Variants in BRWD1 observed in about 807,000 individuals in gnomAD.
BRWD1 encodes the protein bromodomain and WD repeat domain containing 1, also known as bromodomain and WD repeat-containing protein 1.
A neutral mutation model predicts 251.2 loss-of-function variants in BRWD1; 82 were observed. That is an observed-to-expected ratio of 0.33 (90% CI 0.27 to 0.39). The LOEUF (loss-of-function observed/expected upper bound fraction) is 0.39, where lower values mean the gene tolerates loss of function less well. Among genes scored for constraint, BRWD1 ranks in the 10% least tolerant of loss-of-function variants. The probability of loss-of-function intolerance (pLI) is 1.00; values close to 1 mark genes in which losing one functional copy is unlikely to be tolerated. For missense variants in BRWD1, 2,233 were observed against 2,711.6 expected, an observed-to-expected ratio of 0.82 and a Z score of 3.92; for synonymous variants, 918 against 902.8, an observed-to-expected ratio of 1.02 and a Z score of -0.30.
intron 8 of BRWD1, among the ~76,000 whole-genome samples, chr21:39,282,378 TG>T (rs916083749): frequency 1.1e-3 from 170 of 152,266 alleles, no homozygotes; most frequent in African/African-American, 4.0e-3. Flanking sequence ...TGAAAGTGAT[TG>T]TTTATATCTA....
chr21:39,263,063 C>A (rs1329893395), intron 17 of BRWD1, among the ~76,000 whole-genome samples: 1 of 152,128 alleles, frequency 6.6e-6, no homozygotes, highest in East Asian at 1.9e-4. Context: ...CAAGATCGCA[C>A]CACTGCACTC....
chr21:39,215,378 G>T lies in BRWD1; in HGVS notation c.3660-16C>A. 1 of 1,608,056 alleles carries T rather than the reference G, an allele frequency of 6.2e-7. No individual in the cohort carries two copies. The highest frequency in any genetic ancestry group is 1.1e-5 in the South Asian group (1 of 90,438). The stretch of plus-strand genomic sequence containing the variant: ...AGACAGCCTCCTTCAAAATAAAGTA[G>T]ACAATTTAGGGCTTAGAAAATGAGA... On this transcript the variant is annotated splice_polypyrimidine_tract_variant and intron_variant, in intron 31 of 40. Coordinates refer to ENST00000342449, the MANE Select transcript of BRWD1 (RefSeq NM_033656.4).
intron 17 of BRWD1, among the ~76,000 whole-genome samples, chr21:39,260,573 G>A (rs1035457214): frequency 3.3e-5 from 5 of 152,180 alleles, no homozygotes; most frequent in African/African-American, 7.2e-5. Context: ...CTTAACTGCC[G>A]CAGGAAGTGT....
At position 39,200,384 on chromosome 21, in the gene BRWD1, T is replaced by C. The variant is rs766792257; in HGVS notation, c.4588A>G (p.Ser1530Gly). 1 of 1,610,574 alleles carries C rather than the reference T, an allele frequency of 6.2e-7. No homozygotes were observed. The highest frequency in any genetic ancestry group is 1.3e-5 in the African/African-American group (1 of 74,584). ...GTAGCTAAAGAATCTTCCACTTCAC[T>C]TTCTAGGAAAAATAAAGTGTAAATA... ...PITNGSTLSE[S>G]EVEDSLATSL... The change falls in exon 39 of 41, where the codon AGT becomes GGT. Residue 1530 changes from serine (S) to glycine (G), a missense_variant and splice_region_variant. Coordinates refer to ENST00000342449, the MANE Select transcript of BRWD1 (RefSeq NM_033656.4).
rs572517290 is a variant in BRWD1 at position 39,236,333 on chromosome 21, C to T, written c.2766+262G>A. On this transcript the variant is annotated intron_variant, in intron 23 of 40. Transcript: ENST00000342449. The stretch of plus-strand genomic sequence containing the variant: ...CAGGCCCCAGAGCTCCTGCTATCCA[C>T]AGGGGTTGAAAGTAGGAGACAGAGG... Among the ~76,000 whole-genome samples, 16 of 152,150 alleles carry T rather than the reference C, an allele frequency of 1.1e-4. No homozygotes were observed. In the Middle Eastern group the frequency reaches 0.017, roughly 162 times the overall value.
rs965075886 is a variant in BRWD1 at position 39,232,568 on chromosome 21, A to G, written c.2767-70T>C. 4.6e-6 allele frequency: 7 copies of G among 1,523,728 alleles called. No individual in the cohort carries two copies. In the African/African-American group the frequency reaches 7.1e-5, roughly 16 times the overall value. 94.4% of individuals were successfully genotyped at this position (1,523,728 alleles called of 1,614,324 possible). Reference sequence around the variant, plus strand: ...AGCATGCACTGTCTGAATGAAAAATAAAAGAAACTTTCACCATTCAGAATG... The same window carrying G: ...AGCATGCACTGTCTGAATGAAAAATGAAAGAAACTTTCACCATTCAGAATG... On this transcript the variant is annotated intron_variant, in intron 23 of 40. Transcript: ENST00000342449.
intron 20 of BRWD1, among the ~76,000 whole-genome samples, chr21:39,249,967 C>T (rs2034341089): frequency 6.6e-6 from 1 of 150,742 alleles, no homozygotes; most frequent in African/African-American, 2.4e-5. Flanking sequence ...TATACACACA[C>T]ACATAGATAT....
At chr21:39,225,289 A>AAG in intron 27 of BRWD1, 92 bp from the exon 28 acceptor site, 1 of 868,442 alleles carries the variant, frequency 1.2e-6, no homozygotes, top group Non-Finnish European at 1.8e-6. Flanking sequence ...TACAGATAAA[A>AAG]AAGCCAAAAG....
Position 39,195,508 on chromosome 21 carries a change from C to T in BRWD1, c.*751G>A, listed in dbSNP as rs1285040414. 1 of 984,138 alleles carries T rather than the reference C, an allele frequency of 1.0e-6. No homozygotes were observed. Among genetic ancestry groups the T allele is most frequent in the Admixed American group, 6.2e-5 (1 of 16,226 alleles). 61.0% of individuals were successfully genotyped at this position (984,138 alleles called of 1,614,324 possible). ...GATTATATAGCATTTTGTTAGTGCA[C>T]AATTTAAAAGAAAATGCTCTGACTA... is the stretch of plus-strand genomic sequence containing the variant. On this transcript the variant is annotated 3_prime_UTR_variant, in exon 41 of 41. Coordinates refer to ENST00000342449, the MANE Select transcript of BRWD1 (RefSeq NM_033656.4).
At position 39,193,928 on chromosome 21, in the gene BRWD1, A is replaced by G. The variant is rs917860292; in HGVS notation, c.*2331T>C. On this transcript the variant is annotated 3_prime_UTR_variant, in exon 41 of 41. Transcript: ENST00000342449. ...ACCTTAGGAATAGCACCATAACCAA[A>G]AAAACCCATAAAAATTATTTTCTCC... The G allele has an allele frequency of 2.0e-6, 2 of 985,460 alleles. No individual in the cohort carries two copies. The highest frequency in any genetic ancestry group is 3.5e-5 in the African/African-American group (2 of 57,214). 61.0% of individuals were successfully genotyped at this position (985,460 alleles called of 1,614,324 possible).
At chr21:39,299,382 C>G (rs1371819255) in intron 4 of BRWD1, among the ~76,000 whole-genome samples, 3 of 152,064 alleles carry the variant, frequency 2.0e-5, no homozygotes, top group Non-Finnish European at 4.4e-5. Flanking sequence ...TTCTCAACAA[C>G]ATACTAGGCA....
chr21:39,310,992 G>C (rs1489314954), intron 4 of BRWD1, among the ~76,000 whole-genome samples: 1 of 151,958 alleles, frequency 6.6e-6, no homozygotes, highest in African/African-American at 2.4e-5. Context: ...AGGGCAGAGA[G>C]GAAGGTAAAA....
intron 22 of BRWD1, among the ~76,000 whole-genome samples, chr21:39,237,522 G>T (rs2146569397): frequency 6.6e-6 from 1 of 151,984 alleles, no homozygotes; most frequent in Non-Finnish European, 1.5e-5. Flanking sequence ...ATTACAAAAA[G>T]GTATTTATTA....
chr21:39,303,196 A>G (rs2036176522), intron 4 of BRWD1, among the ~76,000 whole-genome samples: 1 of 152,132 alleles, frequency 6.6e-6, no homozygotes, highest in Admixed American at 6.6e-5. Context: ...GAAACCACCA[A>G]AAGAATAATA....
rs781066231 is a variant in BRWD1, at chr21:39,199,091, T to G, written c.5325A>C (p.Pro1775=). The G allele has an allele frequency of 1.2e-6, 2 of 1,614,146 alleles. No homozygotes were observed. Among genetic ancestry groups the G allele is most frequent in the South Asian group, 2.2e-5 (2 of 91,070 alleles). Reference sequence around the variant, plus strand: ...CCTTAAGTTTCTGCACAGACGTTGATGGGCCAGCAGTTCTGTTACATGCAT... The same window carrying G: ...CCTTAAGTTTCTGCACAGACGTTGAGGGGCCAGCAGTTCTGTTACATGCAT... ...SDHACNRTAG[P]STSVQKLKAE... The change falls in exon 40 of 41, where the codon CCA becomes CCC. Residue 1775 remains proline (P), a synonymous_variant. Coordinates refer to ENST00000342449, the MANE Select transcript of BRWD1 (RefSeq NM_033656.4).
At chr21:39,250,695 T>G (rs1601385502) in intron 20 of BRWD1, 101 bp downstream of exon 20, 2 of 726,174 alleles carry the variant, frequency 2.8e-6, no homozygotes, top group South Asian at 4.2e-5. Context: ...CAAGAAATAC[T>G]CCACTTCAGA....
At chr21:39,304,676 G>A (rs983578990) in intron 4 of BRWD1, among the ~76,000 whole-genome samples, 12 of 151,842 alleles carry the variant, frequency 7.9e-5, no homozygotes, top group African/African-American at 1.2e-4. Context: ...AAAACTACAC[G>A]CTGTTTACGG....
Position 39,196,200 on chromosome 21 carries a change from C to A in BRWD1, c.*59G>T. ...AAGACAAAAAAATAATTTTAACAGC[C>A]AGCTTTCACCATAAATGCCAGTCCA... On this transcript the variant is annotated 3_prime_UTR_variant, in exon 41 of 41. Coordinates refer to ENST00000342449, the MANE Select transcript of BRWD1 (RefSeq NM_033656.4). The A allele has an allele frequency of 6.7e-7, 1 of 1,486,940 alleles. No homozygotes were observed. 92.1% of individuals were successfully genotyped at this position (1,486,940 alleles called of 1,614,324 possible).
Position 39,190,854 on chromosome 21 carries a change from C to T in BRWD1, c.*5405G>A. 1.0e-6 allele frequency: 1 copy of T among 985,266 alleles called. No individual in the cohort carries two copies. Among genetic ancestry groups the T allele is most frequent in the East Asian group, 1.1e-4 (1 of 8,814 alleles). The allele number at this position is 985,266 out of a possible 1,614,324, so 61.0% of individuals were successfully genotyped here. On this transcript the variant is annotated 3_prime_UTR_variant, in exon 41 of 41. Coordinates refer to ENST00000342449, the MANE Select transcript of BRWD1 (RefSeq NM_033656.4). Reference sequence around the variant, plus strand: ...ATAATTCCATGAACTAGTTCATTAGCTTATTCATTTTTAGGGTTCATTTAC... The same window carrying T: ...ATAATTCCATGAACTAGTTCATTAGTTTATTCATTTTTAGGGTTCATTTAC...
Sources: gnomAD v4.1 joint callset for allele counts (sites outside exome capture counted in the v4.1 genomes callset) on GRCh38, gnomAD v4.1.1 for gene constraint, MANE v1.5 for transcripts, NCBI Gene and HGNC (gene_info 2026-07-23, HGNC 2026-07-21) for gene names.